Variants in RAB8B observed in about 807,000 individuals in gnomAD.
RAB8B encodes the protein ras-related protein Rab-8B.
In RAB8B, 11 loss-of-function variants were observed where a neutral mutation model predicts 32.0. That is an observed-to-expected ratio of 0.34 (90% confidence interval 0.22 to 0.57). RAB8B has a LOEUF of 0.57. RAB8B is among the 20% of genes least tolerant of loss of function. The probability of loss-of-function intolerance (pLI) is 0.86; values close to 1 mark genes in which losing one functional copy is unlikely to be tolerated. For synonymous variants in RAB8B, 103 were observed against 89.6 expected (o/e 1.15, Z -0.85); for missense variants, 190 against 258.5 (o/e 0.73, Z 1.82).
intron 1 of RAB8B, among the ~76,000 whole-genome samples, chr15:63,214,347 A>C (rs1174832787): frequency 7.5e-6 from 1 of 133,716 alleles, no homozygotes; most frequent in East Asian, 2.6e-4. Flanking sequence ...GCTGGAGTGC[A>C]GGGCCATGAT....
chr15:63,220,896 C>A (rs576579179), intron 1 of RAB8B, among the ~76,000 whole-genome samples: 1 of 152,102 alleles, frequency 6.6e-6, no homozygotes, highest in African/African-American at 2.4e-5. Context: ...ATTTAATCAG[C>A]CGTATACAGT....
At position 63,189,619 on chromosome 15, in the gene RAB8B, G is replaced by C; in HGVS notation, c.-6G>C. The C allele has an allele frequency of 6.2e-7, 1 of 1,613,564 alleles. No homozygotes were observed. The highest frequency in any genetic ancestry group is 8.5e-7 in the Non-Finnish European group (1 of 1,179,760). ...GGCTCCCCGGTCAGAGGGCCGGAGC[G>C]AGAAGATGGCGAAGACGTACGATTA... is the stretch of plus-strand genomic sequence containing the variant. On this transcript the variant is annotated 5_prime_UTR_variant, in exon 1 of 8. Transcript: ENST00000321437.
chr15:63,218,254 G>A (rs570471383), intron 1 of RAB8B, among the ~76,000 whole-genome samples: 2 of 152,138 alleles, frequency 1.3e-5, no homozygotes, highest in African/African-American at 2.4e-5. Context: ...TTCCTCTTAC[G>A]TTAAATGGGG....
intron 1 of RAB8B, among the ~76,000 whole-genome samples, chr15:63,220,202 C>T (rs1450374904): frequency 2.6e-5 from 4 of 152,260 alleles, no homozygotes; most frequent in East Asian, 1.9e-4. Flanking sequence ...TCTAAGTTAA[C>T]GTGGTTAGAA....
intron 6 of RAB8B, among the ~76,000 whole-genome samples, chr15:63,261,814 A>T (rs996276218): frequency 6.6e-6 from 1 of 152,242 alleles, no homozygotes; most frequent in Admixed American, 6.5e-5. Context: ...CAATAGGTTT[A>T]GCATGGTGAC....
intron 1 of RAB8B, among the ~76,000 whole-genome samples, chr15:63,223,697 C>G (rs2037865258): frequency 6.6e-6 from 1 of 152,084 alleles, no homozygotes; most frequent in Non-Finnish European, 1.5e-5. Flanking sequence ...CACGACTGTA[C>G]TTGTACTGGT....
intron 5 of RAB8B, among the ~76,000 whole-genome samples, chr15:63,256,934 T>C (rs376155435): frequency 3.9e-5 from 6 of 152,362 alleles, no homozygotes; most frequent in East Asian, 1.9e-4. Flanking sequence ...GTAAACATTC[T>C]TTTTGAAAAA....
rs1251458157 is a variant in RAB8B at position 63,267,720 on chromosome 15, AC to A, written c.*4102del. On this transcript the variant is annotated 3_prime_UTR_variant, in exon 8 of 8. Coordinates refer to ENST00000321437, the MANE Select transcript of RAB8B (RefSeq NM_016530.3). ...TTTAAATGGATTTTATTCCAGGTGAACTTTTTTTTTATAATAATGTTCGTCT... is the reference window on the plus strand; with the variant it reads ...TTTAAATGGATTTTATTCCAGGTGAATTTTTTTTTATAATAATGTTCGTCT... The A allele has an allele frequency of 6.6e-6, 1 of 152,156 alleles. No homozygotes were observed. The highest frequency in any genetic ancestry group is 1.5e-5 in the Non-Finnish European group (1 of 68,016). The allele number at this position is 152,156 out of a possible 1,614,324, so 9.4% of individuals were successfully genotyped here.
intron 1 of RAB8B, among the ~76,000 whole-genome samples, chr15:63,237,062 A>G (rs1409473118): frequency 6.6e-6 from 1 of 152,168 alleles, no homozygotes. Flanking sequence ...ATCCATGTTG[A>G]TGCAAATGAC....
Position 63,192,568 on chromosome 15 carries a change from G to A in RAB8B, c.124+2820G>A, listed in dbSNP as rs80317237. ...AAAGATGTATTTCTCAACGCCTGGG[G>A]TTTGTGTGTATGTGTTTTGGTAGAT... On this transcript the variant is annotated intron_variant, in intron 1 of 7. Coordinates refer to ENST00000321437, the MANE Select transcript of RAB8B (RefSeq NM_016530.3). Among the ~76,000 whole-genome samples, 1,140 of 152,272 alleles carry A rather than the reference G, an allele frequency of 7.5e-3. 9 individuals are homozygous for A. Among genetic ancestry groups the A allele is most frequent in the Non-Finnish European group, 0.012 (844 of 68,030 alleles).
At chr15:63,205,361 G>A (rs1238652619) in intron 1 of RAB8B, among the ~76,000 whole-genome samples, 1 of 152,084 alleles carries the variant, frequency 6.6e-6, no homozygotes, top group Non-Finnish European at 1.5e-5. Flanking sequence ...TTAGCCAGGT[G>A]TGATCATGCG....
chr15:63,239,405 C>G (rs2038012080), intron 1 of RAB8B, among the ~76,000 whole-genome samples: 1 of 147,032 alleles, frequency 6.8e-6, no homozygotes, highest in African/African-American at 2.5e-5. Flanking sequence ...TAAGAAATTT[C>G]CGAAGTTTTT....
chr15:63,213,493 C>A (rs1449278676), intron 1 of RAB8B, among the ~76,000 whole-genome samples: 1 of 152,056 alleles, frequency 6.6e-6, no homozygotes, highest in Non-Finnish European at 1.5e-5. Flanking sequence ...GGAATGTGCT[C>A]CTCTTTTAAA....
At position 63,248,162 on chromosome 15, in the gene RAB8B, T is replaced by A. The variant is rs2038086141; in HGVS notation, c.186-1483T>A. On this transcript the variant is annotated intron_variant, in intron 2 of 7. Coordinates refer to ENST00000321437, the MANE Select transcript of RAB8B (RefSeq NM_016530.3). The surrounding 1 kb of genome is among the most constrained non-coding windows in gnomAD (Gnocchi z 4.4). ...GAAAATGACAGGATAAGATGGCTTT[T>A]TTGTAAGGCCTGGCCCAGAGCTGAA... Among the ~76,000 whole-genome samples, 1 of 152,140 alleles carries A rather than the reference T, an allele frequency of 6.6e-6. No homozygotes were observed. The highest frequency in any genetic ancestry group is 1.5e-5 in the Non-Finnish European group (1 of 68,020).
chr15:63,241,918 T>C (rs1567018180), intron 1 of RAB8B, among the ~76,000 whole-genome samples: 1 of 151,940 alleles, frequency 6.6e-6, no homozygotes, highest in Non-Finnish European at 1.5e-5. Context: ...AGCAGTAATA[T>C]TTATGCTGAG....
intron 1 of RAB8B, among the ~76,000 whole-genome samples, chr15:63,239,716 A>G (rs16946692): frequency 0.23 from 35,058 of 152,052 alleles, 4,374 homozygotes; most frequent in Admixed American, 0.32. Context: ...CCAAATTTCC[A>G]AAGTTTTTAA....
intron 3 of RAB8B, among the ~76,000 whole-genome samples, chr15:63,254,057 C>T (rs1351452006): frequency 1.3e-5 from 2 of 152,200 alleles, no homozygotes; most frequent in African/African-American, 2.4e-5. Context: ...TTGTGCCCTC[C>T]GCCCATTAGA....
In RAB8B at chr15:63,244,836, G is replaced by C. The variant is rs750082985; in HGVS notation, c.185+20G>C. ...GATATGGTAAGTAAACACACACACA[G>C]AGTTTCTGCTTTAATTGGGAATTGA... On this transcript the variant is annotated intron_variant, in intron 2 of 7. Transcript: ENST00000321437. The C allele has an allele frequency of 6.5e-6, 10 of 1,541,022 alleles. No individual in the cohort carries two copies. Among genetic ancestry groups the C allele is most frequent in the African/African-American group, 1.4e-5 (1 of 72,378 alleles).
At chr15:63,191,985 C>T (rs2037559307) in intron 1 of RAB8B, among the ~76,000 whole-genome samples, 1 of 152,152 alleles carries the variant, frequency 6.6e-6, no homozygotes, top group Non-Finnish European at 1.5e-5. Context: ...GGCATGAAAA[C>T]CAGTGTCCTG....
Sources: allele counts gnomAD v4.1 joint callset (sites outside exome capture counted in the v4.1 genomes callset), GRCh38; gene constraint gnomAD v4.1.1; non-coding constraint Gnocchi (gnomAD v3.1); transcripts MANE v1.5; gene names NCBI Gene and HGNC (gene_info 2026-07-23, HGNC 2026-07-21).